Variants in ABTB3 observed in about 807,000 individuals in gnomAD.
ABTB3 encodes ankyrin repeat and BTB domain containing 3, also known as ankyrin repeat- and BTB/POZ domain-containing protein 3.
At chr12:107,475,326 G>A in the ABTB3 span, among the ~76,000 whole-genome samples, 1 of 152,156 alleles carries the variant, frequency 6.6e-6, no homozygotes, top group South Asian at 2.1e-4. Context: ...TGACACCTAG[G>A]TCATCAAGTT....
chr12:107,560,841 A>G, the ABTB3 span, among the ~76,000 whole-genome samples: 1 of 152,166 alleles, frequency 6.6e-6, no homozygotes, highest in Non-Finnish European at 1.5e-5. Flanking sequence ...GGAAAACACC[A>G]CAATTCCAGG....
the ABTB3 span, among the ~76,000 whole-genome samples, chr12:107,501,061 C>T: frequency 6.6e-6 from 1 of 152,136 alleles, no homozygotes; most frequent in East Asian, 1.9e-4. Flanking sequence ...GCCTCAGTTT[C>T]ATCATCTGTA....
the ABTB3 span, among the ~76,000 whole-genome samples, chr12:107,606,623 A>G: frequency 2.0e-5 from 3 of 152,230 alleles, no homozygotes; most frequent in Admixed American, 6.5e-5. Flanking sequence ...CATGAAGGAT[A>G]TCAGAAGGAA....
the ABTB3 span, among the ~76,000 whole-genome samples, chr12:107,505,127 G>A: frequency 3.3e-5 from 5 of 152,010 alleles, no homozygotes; most frequent in African/African-American, 1.2e-4. Flanking sequence ...TTCTTAAATG[G>A]ATGTATACCT....
At chr12:107,464,206 AGTGTGTGTGTGTGTGTGTGT>A in the ABTB3 span, among the ~76,000 whole-genome samples, 679 of 133,628 alleles carry the variant, frequency 5.1e-3, 3 homozygotes, top group African/African-American at 0.01. Context: ...ACATGTGAAG[AGTGTGTGTGTGTGTGTGTGT>A]GTGTGTGTGT....
chr12:107,647,651 A>G, the ABTB3 span, among the ~76,000 whole-genome samples: 2 of 152,254 alleles, frequency 1.3e-5, no homozygotes, highest in African/African-American at 4.8e-5. Context: ...TAGCAGAAAC[A>G]AGGGAAAAGA....
chr12:107,494,713 C>A, the ABTB3 span, among the ~76,000 whole-genome samples: 7 of 152,194 alleles, frequency 4.6e-5, no homozygotes. Context: ...TCCCAACAGG[C>A]CTTCCACAGC....
At chr12:107,548,187 C>CT in the ABTB3 span, among the ~76,000 whole-genome samples, 9 of 46,752 alleles carry the variant, frequency 1.9e-4, no homozygotes, top group African/African-American at 7.9e-4. Flanking sequence ...TCTCCTCTCT[C>CT]CTGTGTTCTT....
the ABTB3 span, among the ~76,000 whole-genome samples, chr12:107,372,180 AT>A: frequency 1.3e-5 from 2 of 152,252 alleles, no homozygotes; most frequent in Admixed American, 1.3e-4. Context: ...TTTAATACCT[AT>A]TTGTTGGATC....
At chr12:107,548,817 T>C in the ABTB3 span, among the ~76,000 whole-genome samples, 7 of 152,244 alleles carry the variant, frequency 4.6e-5, no homozygotes, top group African/African-American at 1.7e-4. Flanking sequence ...CTCTCACCTG[T>C]ATCATTACCG....
chr12:107,370,024 A>G, the ABTB3 span, among the ~76,000 whole-genome samples: 4 of 152,198 alleles, frequency 2.6e-5, no homozygotes, highest in Non-Finnish European at 4.4e-5. Context: ...GATGATATGT[A>G]TCGCCTAGGA....
chr12:107,405,383 G>A, the ABTB3 span, among the ~76,000 whole-genome samples: 1 of 152,196 alleles, frequency 6.6e-6, no homozygotes, highest in South Asian at 2.1e-4. Context: ...TCAGGGTCAT[G>A]GTAAGGATCC....
chr12:107,447,994 C>T, the ABTB3 span, among the ~76,000 whole-genome samples: 1 of 152,188 alleles, frequency 6.6e-6, no homozygotes, highest in Non-Finnish European at 1.5e-5. Flanking sequence ...GGCTGAGATG[C>T]TAAGCTGGGC....
the ABTB3 span, among the ~76,000 whole-genome samples, chr12:107,541,052 TAATC>T: frequency 1.3e-5 from 2 of 152,108 alleles, no homozygotes; most frequent in East Asian, 1.9e-4. Flanking sequence ...GCTGCATCTA[TAATC>T]AATCAATCAA....
chr12:107,640,433 A>G, the ABTB3 span: 1 of 1,448,704 alleles, frequency 6.9e-7, no homozygotes, highest in African/African-American at 1.4e-5. Context: ...ATCGGTTTTG[A>G]AAGCAGCTGC....
At chr12:107,493,396 A>C in the ABTB3 span, among the ~76,000 whole-genome samples, 2 of 152,188 alleles carry the variant, frequency 1.3e-5, no homozygotes, top group Non-Finnish European at 2.9e-5. Context: ...ACCCTCTGAC[A>C]GCACTTGCAG....
At chr12:107,361,954 T>A in the ABTB3 span, among the ~76,000 whole-genome samples, 2 of 152,116 alleles carry the variant, frequency 1.3e-5, no homozygotes, top group African/African-American at 2.4e-5. Flanking sequence ...ACTTGCCCCT[T>A]CCAACATGTT....
At chr12:107,537,064 G>C in the ABTB3 span, among the ~76,000 whole-genome samples, 1 of 151,990 alleles carries the variant, frequency 6.6e-6, no homozygotes, top group Non-Finnish European at 1.5e-5. Context: ...ATGAAATCCT[G>C]TCATTTATGG....
chr12:107,482,897 T>G, the ABTB3 span, among the ~76,000 whole-genome samples: 1 of 98,230 alleles, frequency 1.0e-5, no homozygotes, highest in African/African-American at 3.1e-5. Context: ...TCTCGTTCTC[T>G]CTCTCTCTCT....
Sources: allele counts gnomAD v4.1 joint callset (sites outside exome capture counted in the v4.1 genomes callset), GRCh38; gene constraint gnomAD v4.1.1; transcripts MANE v1.5; gene names NCBI Gene and HGNC (gene_info 2026-07-23, HGNC 2026-07-21).